Variants in ANK1 observed in about 807,000 individuals in gnomAD.
The protein encoded by ANK1 is ankyrin 1.
ANK1 carries 51 observed loss-of-function variants against 210.4 expected under a neutral mutation model. That is an observed-to-expected ratio of 0.24 (90% CI 0.19 to 0.31). The LOEUF is 0.31. Ranked by LOEUF, ANK1 falls within the 10% of genes least tolerant of loss-of-function variation. ANK1 has a pLI of 1.00. For missense variants in ANK1, 2,051 were observed against 2,504.4 expected (o/e 0.82, Z 3.86); for synonymous variants, 967 against 1,025.9 (o/e 0.94, Z 1.10).
chr8:41,772,143 G>A lies in ANK1; in HGVS notation c.28-14006C>T, dbSNP rs114874678. On this transcript the variant is annotated intron_variant, in intron 1 of 42. Transcript: ENST00000289734. ...CTCAGGCCCTGTGGCAATGACCGTC[G>A]CGCTTAACCCTCCTATGCAATCAAC... is the stretch of plus-strand genomic sequence containing the variant. 6.0e-3 allele frequency among the ~76,000 whole-genome samples: 914 copies of A among 152,286 alleles called. 6 individuals are homozygous for A. Among genetic ancestry groups the A allele is most frequent in the African/African-American group, 0.014 (589 of 41,560 alleles).
At chr8:41,783,324 T>C (rs1057226891) in intron 1 of ANK1, among the ~76,000 whole-genome samples, 4 of 152,236 alleles carry the variant, frequency 2.6e-5, no homozygotes, top group Admixed American at 2.6e-4. Context: ...TTCTAATTTT[T>C]GGAAAGTTCT....
At chr8:41,803,100 A>AAAGGAAAGGG (rs1850387999) in intron 1 of ANK1, among the ~76,000 whole-genome samples, 4 of 68,956 alleles carry the variant, frequency 5.8e-5, no homozygotes, top group Non-Finnish European at 1.4e-4. Context: ...AAAGGAAAGG[A>AAAGGAAAGGG]AAGGAAAGGA....
rs1222420319 is a variant in ANK1, at chr8:41,731,602, G to A, written c.228+2369C>T. 2.7e-5 allele frequency among the ~76,000 whole-genome samples: 4 copies of A among 148,494 alleles called. No individual in the cohort carries two copies. In the South Asian group the frequency reaches 8.5e-4, roughly 32 times the overall value. Reference sequence around the variant, plus strand: ...CTTCTTTTTTTTTTTTCATCTTTCTGCTGCCTGGGAGCCCCATCACAGTCC... The same window carrying A: ...CTTCTTTTTTTTTTTTCATCTTTCTACTGCCTGGGAGCCCCATCACAGTCC... On this transcript the variant is annotated intron_variant, in intron 3 of 42. Coordinates refer to ENST00000289734, the MANE Select transcript of ANK1 (RefSeq NM_000037.4).
Position 41,704,354 on chromosome 8 carries a change from G to A in ANK1, c.2196+20C>T, listed in dbSNP as rs751789708. 1 of 1,609,316 alleles carries A rather than the reference G, an allele frequency of 6.2e-7. No individual in the cohort carries two copies. Among genetic ancestry groups the A allele is most frequent in the Non-Finnish European group, 8.5e-7 (1 of 1,175,758 alleles). On this transcript the variant is annotated intron_variant, in intron 19 of 42. Coordinates refer to ENST00000289734, the MANE Select transcript of ANK1 (RefSeq NM_000037.4). This position sits in a 1 kb window ranked among gnomAD's most constrained non-coding sequence, Gnocchi z 4.1. ...TGGAGAAGGGTCAGTGCAGGAGTCG[G>A]GGCTGGGGCACCCCTGTACCTTGGT...
chr8:41,823,415 G>C (rs1804815040), intron 1 of ANK1, among the ~76,000 whole-genome samples: 1 of 152,142 alleles, frequency 6.6e-6, no homozygotes, highest in Non-Finnish European at 1.5e-5. Context: ...TTTCAATGTA[G>C]TTGTATTTTC....
At chr8:41,724,136 C>A (rs1830079340) in intron 7 of ANK1, among the ~76,000 whole-genome samples, 1 of 152,274 alleles carries the variant, frequency 6.6e-6, no homozygotes, top group African/African-American at 2.4e-5. Context: ...TGGGTCATCC[C>A]ACCACACCAC....
intron 35 of ANK1, among the ~76,000 whole-genome samples, chr8:41,687,457 G>A (rs1030192796): frequency 2.6e-5 from 4 of 152,178 alleles, no homozygotes; most frequent in African/African-American, 7.2e-5. Context: ...GGATCAGCAC[G>A]AGAACGTAGC....
At chr8:41,755,535 C>G (rs535552952) in intron 2 of ANK1, among the ~76,000 whole-genome samples, 1 of 152,324 alleles carries the variant, frequency 6.6e-6, no homozygotes, top group South Asian at 2.1e-4. Context: ...AAGAAAGCCT[C>G]CAGGTGTGCA....
At chr8:41,703,400 ATGTGTG>A (rs1199694080) in intron 20 of ANK1, among the ~76,000 whole-genome samples, 1 of 73,840 alleles carries the variant, frequency 1.4e-5, no homozygotes, top group Admixed American at 1.7e-4. Flanking sequence ...ATATATGTAT[ATGTGTG>A]TGTGTGTGTG....
intron 39 of ANK1, chr8:41,664,085 A>G: frequency 4.2e-6 from 2 of 480,298 alleles, no homozygotes; most frequent in Non-Finnish European, 8.2e-6. Flanking sequence ...CTATTTTTAC[A>G]GCACTTTGCA....
rs1262302101 is a variant in ANK1, at chr8:41,655,574, G to A, written c.*216C>T. On this transcript the variant is annotated 3_prime_UTR_variant, in exon 43 of 43. Coordinates refer to ENST00000289734, the MANE Select transcript of ANK1 (RefSeq NM_000037.4). ...GCAAGAGGCAGGATTGAAGCCTGGA[G>A]GTCATGCGTCTACAGTCAGTCATTC... is the stretch of plus-strand genomic sequence containing the variant. The A allele has an allele frequency of 1.2e-6, 1 of 863,160 alleles. No individual in the cohort carries two copies. Among genetic ancestry groups the A allele is most frequent in the Non-Finnish European group, 1.9e-6 (1 of 535,768 alleles). The allele number at this position is 863,160 out of a possible 1,614,324, so 53.5% of individuals were successfully genotyped here.
At chr8:41,771,820 T>C (rs1843020037) in intron 1 of ANK1, among the ~76,000 whole-genome samples, 1 of 152,218 alleles carries the variant, frequency 6.6e-6, no homozygotes, top group Admixed American at 6.5e-5. Flanking sequence ...AGCTCGCTCC[T>C]GGCTTGATGC....
Position 41,704,184 on chromosome 8 carries a change from A to G in ANK1, c.2197-45T>C. The G allele has an allele frequency of 1.3e-6, 2 of 1,536,732 alleles. No individual in the cohort carries two copies. The highest frequency in any genetic ancestry group is 1.8e-6 in the Non-Finnish European group (2 of 1,110,792). On this transcript the variant is annotated intron_variant, in intron 19 of 42. Transcript: ENST00000289734. This position sits in a 1 kb window ranked among gnomAD's most constrained non-coding sequence, Gnocchi z 4.1. ...TTAGGCAGGGTTAGCCAGCCACTAG[A>G]CAGAGACCTGCCTACACATGATAGT...
Position 41,678,163 on chromosome 8 carries a change from G to A in ANK1, c.4538-5251C>T, listed in dbSNP as rs1027625778. Among the ~76,000 whole-genome samples the A allele has an allele frequency of 2.7e-5, 4 of 147,798 alleles. No homozygotes were observed. The South Asian group carries it at 6.4e-4, about 24-fold the overall frequency. ...TTTTTTTCTTTTTCTTTTTTTTTGCGTTGAGAACTCTGTCACCCAGACTGG... is the reference window on the plus strand; with the variant it reads ...TTTTTTTCTTTTTCTTTTTTTTTGCATTGAGAACTCTGTCACCCAGACTGG... On this transcript the variant is annotated intron_variant, in intron 37 of 42. Transcript: ENST00000289734.
intron 1 of ANK1, among the ~76,000 whole-genome samples, chr8:41,889,363 C>A (rs1587641046): frequency 6.6e-6 from 1 of 152,176 alleles, no homozygotes; most frequent in Non-Finnish European, 1.5e-5. Context: ...ACACTGGAGA[C>A]CCTCATAAGT....
intron 1 of ANK1, among the ~76,000 whole-genome samples, chr8:41,806,941 A>G (rs1187641298): frequency 6.6e-6 from 1 of 152,252 alleles, no homozygotes; most frequent in Non-Finnish European, 1.5e-5. Context: ...AAGTAAATCC[A>G]TAAAATTATA....
At chr8:41,819,066 C>G (rs562287780) in intron 1 of ANK1, among the ~76,000 whole-genome samples, 35 of 152,118 alleles carry the variant, frequency 2.3e-4, no homozygotes, top group Middle Eastern at 3.4e-3. Flanking sequence ...TCATTGATGC[C>G]CAGACCTCAC....
chr8:41,847,541 T>A (rs1810292479), intron 1 of ANK1, among the ~76,000 whole-genome samples: 1 of 152,166 alleles, frequency 6.6e-6, no homozygotes, highest in African/African-American at 2.4e-5. Context: ...AAGCCAAGTA[T>A]TGTGACAGGA....
upstream of ANK1, among the ~76,000 whole-genome samples, chr8:41,800,393 T>C (rs951031926): frequency 1.3e-5 from 2 of 152,246 alleles, no homozygotes; most frequent in African/African-American, 4.8e-5. Flanking sequence ...GCCAGGTTTC[T>C]ACCCAAGCCA....
Sources: gnomAD v4.1 joint callset for allele counts (sites outside exome capture counted in the v4.1 genomes callset) on GRCh38, gnomAD v4.1.1 for gene constraint, Gnocchi (gnomAD v3.1) non-coding constraint, MANE v1.5 for transcripts, NCBI Gene and HGNC (gene_info 2026-07-23, HGNC 2026-07-21) for gene names.